Variants in MMADHC observed in about 807,000 individuals in gnomAD.
MMADHC encodes cobalamin trafficking protein CblD.
A neutral mutation model predicts 36.3 loss-of-function variants in MMADHC; 23 were observed. That is an observed-to-expected ratio of 0.63 (90% CI 0.46 to 0.90). The LOEUF is 0.90. Among genes scored for constraint, MMADHC ranks in the 40% least tolerant of loss-of-function variants. The pLI is 0.00. For synonymous variants in MMADHC, 97 were observed against 116.1 expected (o/e 0.84, Z 1.06); for missense variants, 330 against 348.0 (o/e 0.95, Z 0.41).
chr2:149,578,597 A>T (rs943349168), intron 4 of MMADHC, among the ~76,000 whole-genome samples: 2 of 152,172 alleles, frequency 1.3e-5, no homozygotes, highest in Non-Finnish European at 2.9e-5. Flanking sequence ...TCAAATGAGA[A>T]GGTGTAGGAC....
intron 2 of MMADHC, among the ~76,000 whole-genome samples, chr2:149,585,042 C>CAAAAAAAAA (rs537964049): frequency 1.5e-5 from 1 of 66,326 alleles, no homozygotes; most frequent in Non-Finnish European, 3.1e-5. Context: ...AACTCCGTCT[C>CAAAAAAAAA]AAAAAAAAAA....
intron 2 of MMADHC, among the ~76,000 whole-genome samples, chr2:149,584,566 C>A (rs1356113167): frequency 6.6e-6 from 1 of 152,174 alleles, no homozygotes; most frequent in South Asian, 2.1e-4. Context: ...TTTTGACATT[C>A]TTTTCTTGGT....
At chr2:149,571,607 C>T (rs957894937) in intron 6 of MMADHC, among the ~76,000 whole-genome samples, 1 of 151,686 alleles carries the variant, frequency 6.6e-6, no homozygotes, top group Non-Finnish European at 1.5e-5. Context: ...GGTGAAACTC[C>T]GTCTCTACTA....
intron 2 of MMADHC, among the ~76,000 whole-genome samples, chr2:149,586,316 C>G (rs1682867774): frequency 6.6e-6 from 1 of 152,212 alleles, no homozygotes; most frequent in African/African-American, 2.4e-5. Flanking sequence ...ATGCAGCTTA[C>G]ATTCAGGTTG....
At chr2:149,572,262 C>T (rs1337337290) in intron 6 of MMADHC, 3 of 418,122 alleles carry the variant, frequency 7.2e-6, no homozygotes, top group East Asian at 8.8e-5. Flanking sequence ...TTGCTTGAAC[C>T]CGGGAGGCAG....
chr2:149,586,647 A>C (rs1043199306), intron 2 of MMADHC, among the ~76,000 whole-genome samples: 1 of 152,230 alleles, frequency 6.6e-6, no homozygotes, highest in African/African-American at 2.4e-5. Flanking sequence ...AGTTACAGTC[A>C]ATAAATATCT....
chr2:149,576,303 C>G, intron 5 of MMADHC, 134 bp downstream of exon 5: 1 of 698,870 alleles, frequency 1.4e-6, no homozygotes, highest in Non-Finnish European at 2.6e-6. Context: ...TTTATCTTGG[C>G]CATGCAATCA....
intron 3 of MMADHC, among the ~76,000 whole-genome samples, chr2:149,581,223 G>T (rs902073107): frequency 6.6e-6 from 1 of 151,864 alleles, no homozygotes. Context: ...TTTTCCTATT[G>T]ATCTATTATA....
At chr2:149,577,824 C>G (rs1234512178) in intron 4 of MMADHC, among the ~76,000 whole-genome samples, 2 of 152,172 alleles carry the variant, frequency 1.3e-5, no homozygotes, top group African/African-American at 4.8e-5. Context: ...TCGAGACCAT[C>G]CTAGCCAACA....
intron 6 of MMADHC, among the ~76,000 whole-genome samples, chr2:149,573,249 C>CAAAA (rs935162461): frequency 6.8e-6 from 1 of 146,688 alleles, no homozygotes; most frequent in African/African-American, 2.7e-5. Flanking sequence ...AGTTTTCAAA[C>CAAAA]AAACAAACAA....
chr2:149,582,327 A>G lies in MMADHC; in HGVS notation c.10-56T>C. ...TTCTGAATATAAATGTTATACTTAC[A>G]TAGACAATCTCTGGCAAATCTTCAC... On this transcript the variant is annotated intron_variant, in intron 2 of 7. Coordinates refer to ENST00000303319, the MANE Select transcript of MMADHC (RefSeq NM_015702.3). 4 of 1,574,998 alleles carry G rather than the reference A, an allele frequency of 2.5e-6. No individual in the cohort carries two copies. In the Admixed American group the frequency reaches 6.9e-5, roughly 27 times the overall value.
chr2:149,569,669 A>C lies in MMADHC; in HGVS notation c.*305T>G. 1 of 205,046 alleles carries C rather than the reference A, an allele frequency of 4.9e-6. No individual in the cohort carries two copies. Among genetic ancestry groups the C allele is most frequent in the Non-Finnish European group, 9.9e-6 (1 of 101,356 alleles). The allele number at this position is 205,046 out of a possible 1,614,324, so 12.7% of individuals were successfully genotyped here. ...CAAATGTGTGATTTATTTTGGGAAGAAAATAATTAAAACTGAGGCCTTTTT... is the reference window on the plus strand; with the variant it reads ...CAAATGTGTGATTTATTTTGGGAAGCAAATAATTAAAACTGAGGCCTTTTT... On this transcript the variant is annotated 3_prime_UTR_variant, in exon 8 of 8. Coordinates refer to ENST00000303319, the MANE Select transcript of MMADHC (RefSeq NM_015702.3).
intron 7 of MMADHC, among the ~76,000 whole-genome samples, chr2:149,570,863 A>G (rs900267276): frequency 1.3e-5 from 2 of 152,206 alleles, no homozygotes; most frequent in Admixed American, 1.3e-4. Context: ...CAGAAAGTAA[A>G]AACATTTTTA....
At chr2:149,575,652 G>C (rs1682703613) in intron 6 of MMADHC, 59 bp downstream of exon 6, 2 of 1,398,706 alleles carry the variant, frequency 1.4e-6, no homozygotes, top group African/African-American at 1.5e-5. Flanking sequence ...TAAGACATTG[G>C]TTCACTATTA....
intron 4 of MMADHC, among the ~76,000 whole-genome samples, chr2:149,578,857 A>G (rs1281164276): frequency 2.0e-5 from 3 of 151,984 alleles, no homozygotes; most frequent in Non-Finnish European, 4.4e-5. Context: ...GAAACCCTGA[A>G]TTGCATGTAG....
chr2:149,584,322 T>C (rs552574795), intron 2 of MMADHC, among the ~76,000 whole-genome samples: 1 of 152,332 alleles, frequency 6.6e-6, no homozygotes, highest in South Asian at 2.1e-4. Flanking sequence ...TGTTGGACAC[T>C]ATGGGTCCAA....
chr2:149,570,630 G>C (rs1682625173), intron 7 of MMADHC, among the ~76,000 whole-genome samples: 1 of 152,040 alleles, frequency 6.6e-6, no homozygotes, highest in Non-Finnish European at 1.5e-5. Flanking sequence ...TGACTACAGT[G>C]GTAGTTCAGT....
At chr2:149,582,623 A>G (rs1573880370) in intron 2 of MMADHC, among the ~76,000 whole-genome samples, 1 of 152,160 alleles carries the variant, frequency 6.6e-6, no homozygotes, top group Admixed American at 6.5e-5. Flanking sequence ...TCCTCAATAA[A>G]GAACTCTCAA....
chr2:149,569,907 T>C lies in MMADHC; in HGVS notation c.*67A>G. The C allele has an allele frequency of 7.1e-7, 1 of 1,399,684 alleles. No individual in the cohort carries two copies. The highest frequency in any genetic ancestry group is 1.2e-5 in the South Asian group (1 of 82,304). 86.7% of individuals were successfully genotyped at this position (1,399,684 alleles called of 1,614,324 possible). A position where few individuals can be genotyped will look rare whatever the true frequency, so the allele number is the denominator to read the frequency against. On this transcript the variant is annotated 3_prime_UTR_variant, in exon 8 of 8. Transcript: ENST00000303319. ...TAAATATATTTTAAAAACTTTAGTC[T>C]GACAGTGTTTATAGATCAACCCAAA...
Sources: gnomAD v4.1 joint callset for allele counts (sites outside exome capture counted in the v4.1 genomes callset) on GRCh38, gnomAD v4.1.1 for gene constraint, MANE v1.5 for transcripts, NCBI Gene and HGNC (gene_info 2026-07-23, HGNC 2026-07-21) for gene names.